Variants in TCF12 observed in about 807,000 individuals in gnomAD.
TCF12 encodes transcription factor 12.
In TCF12, 45 loss-of-function variants were observed where a neutral mutation model predicts 86.0. The observed-to-expected ratio is 0.52, with a 90% CI of 0.41 to 0.67. TCF12 has a LOEUF of 0.67. TCF12 is among the 30% of genes least tolerant of loss of function. The pLI is 0.00. For missense variants in TCF12, 881 were observed against 859.9 expected, an observed-to-expected ratio of 1.02 and a Z score of -0.31; for synonymous variants, 330 against 299.6, an observed-to-expected ratio of 1.10 and a Z score of -1.05.
At chr15:57,212,738 T>A (rs2058166097) in intron 8 of TCF12, among the ~76,000 whole-genome samples, 1 of 152,182 alleles carries the variant, frequency 6.6e-6, no homozygotes, top group South Asian at 2.1e-4. Flanking sequence ...GTCTTTGGCC[T>A]AGTTTAATGG....
At chr15:57,037,422 CAA>C (rs1213867934) in intron 3 of TCF12, among the ~76,000 whole-genome samples, 6 of 146,088 alleles carry the variant, frequency 4.1e-5, no homozygotes, top group African/African-American at 1.6e-4. Context: ...GCCTGGGTGA[CAA>C]GAGCTCAAAA....
At chr15:56,930,169 G>C (rs1409663799) in intron 3 of TCF12, among the ~76,000 whole-genome samples, 1 of 152,180 alleles carries the variant, frequency 6.6e-6, no homozygotes, top group Admixed American at 6.5e-5. Flanking sequence ...TGTTGGTTGG[G>C]CATGGAAGGT....
intron 18 of TCF12, among the ~76,000 whole-genome samples, chr15:57,265,372 C>G (rs1184460819): frequency 6.6e-6 from 1 of 151,948 alleles, no homozygotes; most frequent in African/African-American, 2.4e-5. Context: ...TCTGAATTGT[C>G]CCAGTATGAG....
chr15:57,042,210 A>G (rs115459467), intron 3 of TCF12, among the ~76,000 whole-genome samples: 1,771 of 151,992 alleles, frequency 0.012, 32 homozygotes, highest in African/African-American at 0.04. Context: ...CCTCTGCCTC[A>G]TATGGGAGGG....
At chr15:57,223,667 T>TTTTTTTTTTTTTG (rs2058731157) in intron 8 of TCF12, among the ~76,000 whole-genome samples, 1 of 114,884 alleles carries the variant, frequency 8.7e-6, no homozygotes, top group Non-Finnish European at 2.1e-5. Context: ...TTTTTTTTTT[T>TTTTTTTTTTTTTG]TTTTAGAAAT....
intron 5 of TCF12, among the ~76,000 whole-genome samples, chr15:57,112,075 G>T (rs1319768529): frequency 5.9e-5 from 9 of 152,162 alleles, no homozygotes; most frequent in Admixed American, 5.9e-4. Context: ...GATTTAGAAG[G>T]AAAGGAAATC....
At chr15:57,088,699 A>C (rs1293063698) in intron 4 of TCF12, among the ~76,000 whole-genome samples, 6 of 152,148 alleles carry the variant, frequency 3.9e-5, no homozygotes. Flanking sequence ...AGCCAGCAGC[A>C]TCAGCATCAC....
At chr15:57,071,779 G>T (rs1411102207) in intron 4 of TCF12, among the ~76,000 whole-genome samples, 1 of 152,208 alleles carries the variant, frequency 6.6e-6, no homozygotes, top group African/African-American at 2.4e-5. Context: ...TACTTTGGAT[G>T]GTCAAGAAAG....
At chr15:56,939,289 A>G (rs940325707) in intron 3 of TCF12, among the ~76,000 whole-genome samples, 1 of 152,132 alleles carries the variant, frequency 6.6e-6, no homozygotes, top group African/African-American at 2.4e-5. Flanking sequence ...GGACAGTACT[A>G]ATTCTTTTTT....
At chr15:57,234,981 C>T (rs1456110732) in intron 12 of TCF12, among the ~76,000 whole-genome samples, 1 of 152,120 alleles carries the variant, frequency 6.6e-6, no homozygotes, top group Non-Finnish European at 1.5e-5. Context: ...CACGTTAATA[C>T]CTGAGTGGTA....
chr15:57,106,147 C>G (rs982431602), intron 5 of TCF12, among the ~76,000 whole-genome samples: 1 of 152,140 alleles, frequency 6.6e-6, no homozygotes, highest in Non-Finnish European at 1.5e-5. Flanking sequence ...GAAGCTTGTT[C>G]TAATTTGTGT....
At chr15:57,205,919 C>T (rs1286986629) in intron 8 of TCF12, among the ~76,000 whole-genome samples, 1 of 152,178 alleles carries the variant, frequency 6.6e-6, no homozygotes, top group Non-Finnish European at 1.5e-5. Context: ...ACTGATATGG[C>T]TGTATACAGT....
chr15:57,034,167 T>A (rs1382615947), intron 3 of TCF12, among the ~76,000 whole-genome samples: 1 of 152,230 alleles, frequency 6.6e-6, no homozygotes, highest in African/African-American at 2.4e-5. Context: ...ACCTAATTGA[T>A]GTATATAGGA....
chr15:57,219,720 C>A, intron 8 of TCF12: 15 of 295,388 alleles, frequency 5.1e-5, no homozygotes, highest in Non-Finnish European at 7.6e-5. Flanking sequence ...TTGTAGATTT[C>A]TTTTTTTTTT....
chr15:56,989,692 GC>G (rs1161094366), intron 3 of TCF12, among the ~76,000 whole-genome samples: 1 of 152,172 alleles, frequency 6.6e-6, no homozygotes, highest in Non-Finnish European at 1.5e-5. Flanking sequence ...TAGAGGGTGG[GC>G]TGACCTTGAC....
intron 3 of TCF12, among the ~76,000 whole-genome samples, chr15:57,058,511 T>A (rs2068204086): frequency 1.3e-5 from 2 of 152,200 alleles, no homozygotes; most frequent in African/African-American, 4.8e-5. Flanking sequence ...ACAAAAATTC[T>A]GATTGGATTA....
intron 3 of TCF12, among the ~76,000 whole-genome samples, chr15:57,050,965 T>C (rs1596304571): frequency 1.3e-5 from 2 of 152,364 alleles, no homozygotes; most frequent in African/African-American, 4.8e-5. Flanking sequence ...AATCCTTTTC[T>C]TATTCCACCA....
intron 5 of TCF12, among the ~76,000 whole-genome samples, chr15:57,110,777 A>G (rs2050434664): frequency 6.6e-6 from 1 of 152,264 alleles, no homozygotes; most frequent in Admixed American, 6.5e-5. Context: ...TATATAAATG[A>G]GGAAACTGAA....
chr15:57,021,764 G>A (rs111721327), intron 3 of TCF12, among the ~76,000 whole-genome samples: 2,438 of 151,320 alleles, frequency 0.016, 68 homozygotes, highest in African/African-American at 0.056. Flanking sequence ...TTTCAACCAA[G>A]CGTGAATCGA....
Sources: allele counts gnomAD v4.1 joint callset (sites outside exome capture counted in the v4.1 genomes callset), GRCh38; gene constraint gnomAD v4.1.1; transcripts MANE v1.5; gene names NCBI Gene and HGNC (gene_info 2026-07-23, HGNC 2026-07-21).